RARB: variants seen among roughly 807,000 people sequenced by gnomAD.
RARB encodes the protein HBV-activated protein.
In RARB, 17 loss-of-function variants were observed where a neutral mutation model predicts 51.9. The ratio of observed to expected loss-of-function variants is 0.33; its 90% CI spans 0.22 to 0.49. The LOEUF (loss-of-function observed/expected upper bound fraction) is 0.49. Ranked by LOEUF, RARB falls within the 20% of genes least tolerant of loss-of-function variation. The probability of loss-of-function intolerance (pLI) is 0.99; values close to 1 mark genes in which losing one functional copy is unlikely to be tolerated. For missense variants in RARB, 369 were observed against 550.8 expected (o/e 0.67, Z 3.30); for synonymous variants, 215 against 195.4 (o/e 1.10, Z -0.84).
intron 4 of RARB, among the ~76,000 whole-genome samples, chr3:25,142,509 C>T (rs576049643): frequency 2.0e-5 from 3 of 152,114 alleles, no homozygotes; most frequent in Non-Finnish European, 1.5e-5. Flanking sequence ...CATAATAATA[C>T]TTTGAGGCAA....
At chr3:24,948,462 A>G (rs1695820693) in intron 2 of RARB, among the ~76,000 whole-genome samples, 1 of 152,224 alleles carries the variant, frequency 6.6e-6, no homozygotes, top group South Asian at 2.1e-4. Flanking sequence ...CATCCTTTCT[A>G]TCAAGTTCCT....
At chr3:25,066,859 C>G (rs1323759336) in intron 3 of RARB, among the ~76,000 whole-genome samples, 3 of 152,114 alleles carry the variant, frequency 2.0e-5, no homozygotes, top group Non-Finnish European at 4.4e-5. Flanking sequence ...AAAAGCTATT[C>G]TCCTGTATCT....
chr3:24,851,261 C>G (rs1429525067), intron 1 of RARB, among the ~76,000 whole-genome samples: 1 of 151,806 alleles, frequency 6.6e-6, no homozygotes, highest in Admixed American at 6.6e-5. Context: ...GACCCTGCCT[C>G]TACAAAATAT....
At chr3:25,367,877 C>T (rs1449420355) in intron 5 of RARB, among the ~76,000 whole-genome samples, 5 of 150,488 alleles carry the variant, frequency 3.3e-5, no homozygotes, top group Non-Finnish European at 7.4e-5. Context: ...AGGAGAATTT[C>T]AGAAGAATCA....
intron 2 of RARB, among the ~76,000 whole-genome samples, chr3:25,494,251 A>ATG (rs1696895084): frequency 1.3e-5 from 1 of 77,106 alleles, no homozygotes; most frequent in African/African-American, 1.0e-4. Context: ...GCTGTATCTT[A>ATG]CGCACACACA....
At chr3:24,884,954 A>T (rs544946179) in intron 2 of RARB, among the ~76,000 whole-genome samples, 1 of 152,192 alleles carries the variant, frequency 6.6e-6, no homozygotes, top group African/African-American at 2.4e-5. Context: ...CTCATAGATA[A>T]CAACTGCGTA....
intron 5 of RARB, among the ~76,000 whole-genome samples, chr3:25,334,613 G>C (rs748971613): frequency 6.6e-6 from 1 of 152,084 alleles, no homozygotes; most frequent in Non-Finnish European, 1.5e-5. Flanking sequence ...CACCAACGTG[G>C]CACATGTATA....
chr3:25,547,808 A>G (rs935982021), intron 3 of RARB, among the ~76,000 whole-genome samples: 8 of 152,324 alleles, frequency 5.3e-5, no homozygotes, highest in African/African-American at 1.7e-4. Flanking sequence ...GGTGGATGGA[A>G]AAAAGGGTAA....
At chr3:25,191,049 T>G (rs1273353652) in intron 5 of RARB, among the ~76,000 whole-genome samples, 1 of 152,150 alleles carries the variant, frequency 6.6e-6, no homozygotes, top group Non-Finnish European at 1.5e-5. Context: ...AACAACTCTG[T>G]AAACACAAAG....
At chr3:25,242,249 G>A (rs1179652742) in intron 5 of RARB, among the ~76,000 whole-genome samples, 1 of 152,020 alleles carries the variant, frequency 6.6e-6, no homozygotes, top group Non-Finnish European at 1.5e-5. Flanking sequence ...CTCCCATTCT[G>A]TAGGTTGCCT....
At chr3:24,853,574 C>T (rs1702591754) in intron 1 of RARB, among the ~76,000 whole-genome samples, 1 of 152,150 alleles carries the variant, frequency 6.6e-6, no homozygotes, top group Non-Finnish European at 1.5e-5. Flanking sequence ...AACATCTGAA[C>T]ACAATAGAAA....
In RARB at chr3:25,283,431, G is replaced by A. The variant is rs1234051534; in HGVS notation, c.178+108856G>A. Among the ~76,000 whole-genome samples the A allele has an allele frequency of 1.3e-5, 2 of 152,114 alleles. 1 individual carries two copies. Among genetic ancestry groups the A allele is most frequent in the East Asian group, 3.9e-4 (2 of 5,188 alleles). On this transcript the variant is annotated intron_variant, in intron 5 of 11. Coordinates refer to the RARB transcript ENST00000383772. ...TAAATGACTTCCTTCTCTATCTCGG[G>A]CCTGACCCCAAGTGGAAATTCTTCA...
chr3:25,575,078 A>G (rs1700870861), intron 4 of RARB, among the ~76,000 whole-genome samples: 1 of 152,304 alleles, frequency 6.6e-6, no homozygotes, highest in South Asian at 2.1e-4. Flanking sequence ...GACCAGTTTC[A>G]TGGAAGAGAA....
intron 2 of RARB, among the ~76,000 whole-genome samples, chr3:24,876,002 C>T (rs184163020): frequency 3.9e-5 from 6 of 151,982 alleles, no homozygotes; most frequent in African/African-American, 1.4e-4. Context: ...TTAGACTGTC[C>T]CTCCGTTTGG....
At chr3:25,552,976 C>A (rs1395389163) in intron 3 of RARB, among the ~76,000 whole-genome samples, 2 of 151,970 alleles carry the variant, frequency 1.3e-5, no homozygotes, top group Non-Finnish European at 2.9e-5. Context: ...TAATGACATA[C>A]CTTTTAAGGT....
Position 24,947,473 on chromosome 3 carries a change from TA to T in RARB, c.-380+88724del, listed in dbSNP as rs377155182. ...TTCATTTTGAGAAGTAGAACGTGTG[TA>T]AATCATGAAGTTGGGCTAAAGAAGG... is the stretch of plus-strand genomic sequence containing the variant. On this transcript the variant is annotated intron_variant, in intron 2 of 11. Coordinates refer to the RARB transcript ENST00000383772. Among the ~76,000 whole-genome samples, 461 of 152,344 alleles carry T rather than the reference TA, an allele frequency of 3.0e-3. 3 individuals are homozygous for T. Among genetic ancestry groups the T allele is most frequent in the African/African-American group, 0.01 (435 of 41,582 alleles).
At position 24,914,397 on chromosome 3, in the gene RARB, C is replaced by A. The variant is rs547589267; in HGVS notation, c.-380+55645C>A. ...TTGGGGGCAGGGTAAGACAGGTATG[C>A]CCTCTCAGATAGGCCTTATCCTGCT... On this transcript the variant is annotated intron_variant, in intron 2 of 11. Coordinates refer to the RARB transcript ENST00000383772. 3.3e-5 allele frequency among the ~76,000 whole-genome samples: 5 copies of A among 152,160 alleles called. No individual in the cohort carries two copies. The South Asian group carries it at 8.3e-4, about 25-fold the overall frequency.
intron 2 of RARB, among the ~76,000 whole-genome samples, chr3:24,969,991 C>T (rs1005659136): frequency 3.3e-5 from 5 of 151,990 alleles, no homozygotes; most frequent in Non-Finnish European, 5.9e-5. Context: ...GGAAAAAGAA[C>T]GATCACCTAA....
chr3:25,225,867 A>T (rs1331109517), intron 5 of RARB, among the ~76,000 whole-genome samples: 2 of 152,202 alleles, frequency 1.3e-5, no homozygotes, highest in African/African-American at 4.8e-5. Context: ...GAGCAACCTG[A>T]TAATTCACCC....
Sources: gnomAD v4.1 joint callset for allele counts (sites outside exome capture counted in the v4.1 genomes callset) on GRCh38, gnomAD v4.1.1 for gene constraint, MANE v1.5 for transcripts, NCBI Gene and HGNC (gene_info 2026-07-23, HGNC 2026-07-21) for gene names.